Variants in SGCD observed in about 807,000 individuals in gnomAD.
SGCD encodes sarcoglycan delta, also known as delta-sarcoglycan.
SGCD carries 18 observed loss-of-function variants against 36.6 expected under a neutral mutation model. The ratio of observed to expected loss-of-function variants is 0.49; its 90% CI spans 0.34 to 0.73. SGCD has a LOEUF of 0.73. Ranked by LOEUF, SGCD falls within the 30% of genes least tolerant of loss-of-function variation. The pLI, the probability that SGCD is intolerant of heterozygous loss-of-function variation, is 0.01. For synonymous variants in SGCD, 133 were observed against 130.6 expected, an observed-to-expected ratio of 1.02 and a Z score of -0.12; for missense variants, 387 against 346.7, an observed-to-expected ratio of 1.12 and a Z score of -0.92.
At chr5:156,049,052 G>C (rs1336433085) in intron 1 of SGCD, among the ~76,000 whole-genome samples, 1 of 146,532 alleles carries the variant, frequency 6.8e-6, no homozygotes, top group Non-Finnish European at 1.5e-5. Flanking sequence ...TGGCTAGCCA[G>C]TTTTCCCAGC....
chr5:155,909,735 T>C (rs1279625243), intron 1 of SGCD, among the ~76,000 whole-genome samples: 1 of 152,164 alleles, frequency 6.6e-6, no homozygotes, highest in Admixed American at 6.6e-5. Flanking sequence ...GTGCATCTTT[T>C]GTAGTAGACT....
At chr5:156,623,071 A>G (rs1484406405) in intron 6 of SGCD, among the ~76,000 whole-genome samples, 1 of 152,136 alleles carries the variant, frequency 6.6e-6, no homozygotes, top group African/African-American at 2.4e-5. Context: ...TATATAGTAT[A>G]CATATATATT....
chr5:156,557,391 G>T (rs1759071519), intron 4 of SGCD, among the ~76,000 whole-genome samples: 1 of 152,144 alleles, frequency 6.6e-6, no homozygotes, highest in South Asian at 2.1e-4. Flanking sequence ...TGGCCATGTG[G>T]TTATTCATGA....
the SGCD span, among the ~76,000 whole-genome samples, chr5:155,783,823 C>T: frequency 6.6e-5 from 10 of 152,102 alleles, no homozygotes; most frequent in South Asian, 1.7e-3. Flanking sequence ...ATTTTGAACA[C>T]GATATGTGGT....
At chr5:156,339,972 C>A (rs1460237116) in intron 2 of SGCD, among the ~76,000 whole-genome samples, 2 of 152,098 alleles carry the variant, frequency 1.3e-5, no homozygotes, top group Non-Finnish European at 2.9e-5. Flanking sequence ...TCTGTATGGA[C>A]AATGGAAAGA....
intron 1 of SGCD, among the ~76,000 whole-genome samples, chr5:155,930,237 A>G (rs961612419): frequency 2.0e-5 from 3 of 152,330 alleles, no homozygotes; most frequent in Admixed American, 2.0e-4. Context: ...CCTCTGTACA[A>G]CTTAAAGAGT....
At chr5:156,506,529 G>A (rs1480568767) in intron 3 of SGCD, among the ~76,000 whole-genome samples, 1 of 152,062 alleles carries the variant, frequency 6.6e-6, no homozygotes, top group Non-Finnish European at 1.5e-5. Context: ...TGCAGTCCTG[G>A]GGAAGGACTG....
At chr5:156,744,785 C>T (rs568248678) in intron 7 of SGCD, among the ~76,000 whole-genome samples, 1 of 152,284 alleles carries the variant, frequency 6.6e-6, no homozygotes, top group South Asian at 2.1e-4. Context: ...AGAAAGTTGG[C>T]ACATCCATAA....
intron 3 of SGCD, among the ~76,000 whole-genome samples, chr5:156,174,180 A>G (rs927385394): frequency 2.6e-5 from 4 of 152,224 alleles, no homozygotes. Flanking sequence ...ACTATGGAAG[A>G]CAACCAAGGA....
In SGCD at chr5:155,977,272, T is replaced by A. The variant is rs181241748; in HGVS notation, c.-282+106848T>A. ...ACTTATTGTTTTCTCAGAGAAACTT[T>A]CTTGTGTCTTCCAAACTTGACTAGA... On this transcript the variant is annotated intron_variant, in intron 1 of 9. Coordinates refer to the SGCD transcript ENST00000517913. Among the ~76,000 whole-genome samples the A allele has an allele frequency of 2.6e-3, 390 of 152,334 alleles. 2 individuals are homozygous for A. Among genetic ancestry groups the A allele is most frequent in the African/African-American group, 8.9e-3 (371 of 41,580 alleles).
chr5:156,227,516 G>T (rs532674835), intron 3 of SGCD, among the ~76,000 whole-genome samples: 163 of 152,184 alleles, frequency 1.1e-3, no homozygotes, highest in African/African-American at 3.6e-3. Context: ...TTATAGCATA[G>T]TTTGAAATCA....
rs556078198 is a variant in SGCD, at chr5:156,245,717, C to A, written c.-43-83817C>A. On this transcript the variant is annotated intron_variant, in intron 3 of 9. Coordinates refer to the SGCD transcript ENST00000517913. ...ATTAAATAACACCATGGGGATGCAA[C>A]CAACCAAAGTCCAGAATGGAGAAAT... Among the ~76,000 whole-genome samples, 15 of 151,740 alleles carry A rather than the reference C, an allele frequency of 9.9e-5. No homozygotes were observed. The South Asian group carries it at 3.1e-3, about 32-fold the overall frequency.
At chr5:156,453,229 T>C (rs1754101311) in intron 3 of SGCD, among the ~76,000 whole-genome samples, 1 of 152,134 alleles carries the variant, frequency 6.6e-6, no homozygotes, top group South Asian at 2.1e-4. Flanking sequence ...TGAAGCACTG[T>C]CACATGGAAG....
chr5:156,359,017 A>G (rs1417654751), intron 3 of SGCD, among the ~76,000 whole-genome samples: 1 of 152,176 alleles, frequency 6.6e-6, no homozygotes, highest in Non-Finnish European at 1.5e-5. Flanking sequence ...AATTAAAAAT[A>G]AGAAGCTAAA....
chr5:156,370,005 T>C (rs894585852), intron 3 of SGCD, among the ~76,000 whole-genome samples: 2 of 152,210 alleles, frequency 1.3e-5, no homozygotes, highest in Admixed American at 1.3e-4. Context: ...TCTAACTTGG[T>C]TAAATTCTTT....
the SGCD span, among the ~76,000 whole-genome samples, chr5:155,858,877 G>A: frequency 1.3e-5 from 2 of 151,048 alleles, no homozygotes; most frequent in Admixed American, 1.3e-4. Flanking sequence ...TTTGAGAAAT[G>A]TTTTCTTTGG....
chr5:156,205,923 G>T (rs990210914), intron 3 of SGCD, among the ~76,000 whole-genome samples: 1 of 150,780 alleles, frequency 6.6e-6, no homozygotes, highest in Non-Finnish European at 1.5e-5. Context: ...TTTGTTCAAG[G>T]GAGATGACCT....
At chr5:156,726,792 GGA>G (rs1421890303) in intron 7 of SGCD, among the ~76,000 whole-genome samples, 1 of 152,166 alleles carries the variant, frequency 6.6e-6, no homozygotes, top group African/African-American at 2.4e-5. Flanking sequence ...GTCTTCCACA[GGA>G]GAGGAAGTGT....
chr5:156,475,850 G>A (rs1483672483), intron 3 of SGCD, among the ~76,000 whole-genome samples: 1 of 152,186 alleles, frequency 6.6e-6, no homozygotes, highest in Non-Finnish European at 1.5e-5. Context: ...GGAGGGGAAG[G>A]AGACCAAACC....
Sources: gnomAD v4.1 joint callset for allele counts (sites outside exome capture counted in the v4.1 genomes callset) on GRCh38, gnomAD v4.1.1 for gene constraint, MANE v1.5 for transcripts, NCBI Gene and HGNC (gene_info 2026-07-23, HGNC 2026-07-21) for gene names.